The following SPAG16 variants were observed in gnomAD, a reference collection of about 807,000 sequenced individuals.
SPAG16 encodes sperm-associated antigen 16 protein.
Under a neutral mutation model 80.4 loss-of-function variants are expected in SPAG16, and 86 were observed. The ratio of observed to expected loss-of-function variants is 1.07; its 90% CI spans 0.90 to 1.28. The LOEUF (loss-of-function observed/expected upper bound fraction) is 1.28, where lower values mean the gene tolerates loss of function less well. SPAG16 is among the 50% of genes most tolerant of loss of function. The pLI is 0.00. For synonymous variants in SPAG16, 294 were observed against 265.9 expected, an observed-to-expected ratio of 1.11 and a Z score of -1.03; for missense variants, 870 against 765.3, an observed-to-expected ratio of 1.14 and a Z score of -1.61.
At chr2:213,903,931 A>G (rs1034075598) in intron 11 of SPAG16, among the ~76,000 whole-genome samples, 1 of 152,196 alleles carries the variant, frequency 6.6e-6, no homozygotes, top group African/African-American at 2.4e-5. Context: ...TTGCTAAAAC[A>G]TAATAGCCTC....
intron 15 of SPAG16, among the ~76,000 whole-genome samples, chr2:214,380,191 A>G (rs761682910): frequency 2.0e-5 from 3 of 152,218 alleles, no homozygotes; most frequent in Admixed American, 6.5e-5. Context: ...GACCAAACCT[A>G]TAGTAATGGC....
chr2:214,111,644 G>GT (rs2053669741), intron 14 of SPAG16, among the ~76,000 whole-genome samples: 1 of 152,052 alleles, frequency 6.6e-6, no homozygotes, highest in African/African-American at 2.4e-5. Context: ...CTTTAAAGTA[G>GT]TTTTTTTCCA....
intron 10 of SPAG16, among the ~76,000 whole-genome samples, chr2:213,757,818 G>T (rs538523074): frequency 6.6e-6 from 1 of 152,142 alleles, no homozygotes; most frequent in Admixed American, 6.5e-5. Context: ...GGCAATCTTT[G>T]CTCTGATTGC....
chr2:214,265,154 T>TGTTAA (rs1691465722), intron 15 of SPAG16, among the ~76,000 whole-genome samples: 1 of 152,114 alleles, frequency 6.6e-6, no homozygotes, highest in Admixed American at 6.6e-5. Context: ...GGTAACAGTA[T>TGTTAA]GTTAAGTTTT....
At chr2:213,669,299 A>G (rs2063729784) in intron 10 of SPAG16, among the ~76,000 whole-genome samples, 1 of 152,162 alleles carries the variant, frequency 6.6e-6, no homozygotes, top group African/African-American at 2.4e-5. Context: ...TGGCTATTAG[A>G]GTTTGAGCCT....
intron 10 of SPAG16, among the ~76,000 whole-genome samples, chr2:213,513,141 CTTGTT>C (rs1296480586): frequency 1.3e-5 from 2 of 152,108 alleles, no homozygotes; most frequent in Non-Finnish European, 2.9e-5. Flanking sequence ...TTGTCTGTTT[CTTGTT>C]TTATCACCTA....
At chr2:213,408,327 C>T (rs958714414) in intron 9 of SPAG16, among the ~76,000 whole-genome samples, 5 of 152,268 alleles carry the variant, frequency 3.3e-5, no homozygotes, top group East Asian at 3.9e-4. Flanking sequence ...TAGTAATCTG[C>T]GGATGGCCAA....
intron 15 of SPAG16, among the ~76,000 whole-genome samples, chr2:214,192,292 T>C (rs2057690707): frequency 6.6e-6 from 1 of 152,146 alleles, no homozygotes; most frequent in Admixed American, 6.6e-5. Flanking sequence ...TGCTCATCTT[T>C]CCTTAATGTT....
At chr2:213,516,487 C>T (rs955429033) in intron 10 of SPAG16, among the ~76,000 whole-genome samples, 4 of 152,136 alleles carry the variant, frequency 2.6e-5, no homozygotes, top group Non-Finnish European at 4.4e-5. Flanking sequence ...AGGTCTGACT[C>T]CAGAGAAAGG....
In SPAG16 at chr2:213,297,360, G is replaced by T; in HGVS notation, c.279+3G>T. 1.3e-6 allele frequency: 2 copies of T among 1,593,866 alleles called. No individual in the cohort carries two copies. The highest frequency in any genetic ancestry group is 1.3e-5 in the African/African-American group (1 of 74,328). On this transcript the variant is annotated splice_donor_region_variant and intron_variant, in intron 3 of 15. Transcript: ENST00000331683. The stretch of plus-strand genomic sequence containing the variant: ...AGGCTACAGATACTGAAATTTTGGT[G>T]AGAATTTGAACACTAGTGTAGTCTA...
At chr2:214,259,464 C>T (rs563423410) in intron 15 of SPAG16, among the ~76,000 whole-genome samples, 1 of 137,824 alleles carries the variant, frequency 7.3e-6, no homozygotes, top group Non-Finnish European at 1.5e-5. Flanking sequence ...CGTACACACA[C>T]ACGTATAGCT....
chr2:214,255,549 A>G (rs1265934959), intron 15 of SPAG16, among the ~76,000 whole-genome samples: 1 of 151,946 alleles, frequency 6.6e-6, no homozygotes, highest in African/African-American at 2.4e-5. Flanking sequence ...ACTTCCACAC[A>G]TATTATTGAT....
intron 10 of SPAG16, among the ~76,000 whole-genome samples, chr2:213,517,472 A>T (rs192318715): frequency 1.3e-5 from 2 of 152,218 alleles, no homozygotes; most frequent in African/African-American, 2.4e-5. Flanking sequence ...TAAAATTCAT[A>T]TGGAACCAAA....
chr2:213,501,825 A>G (rs1043877013), intron 10 of SPAG16, among the ~76,000 whole-genome samples: 5 of 152,328 alleles, frequency 3.3e-5, no homozygotes, highest in South Asian at 2.1e-4. Context: ...TTGTTCTAGA[A>G]AAGTAATTTT....
intron 15 of SPAG16, among the ~76,000 whole-genome samples, chr2:214,343,317 G>A (rs1177531323): frequency 6.6e-6 from 1 of 152,052 alleles, no homozygotes; most frequent in East Asian, 1.9e-4. Context: ...GTAGAAACTG[G>A]AGAATCAGAT....
At chr2:213,539,319 G>A (rs781026485) in intron 10 of SPAG16, among the ~76,000 whole-genome samples, 5 of 152,064 alleles carry the variant, frequency 3.3e-5, no homozygotes, top group Non-Finnish European at 5.9e-5. Flanking sequence ...TAAATCACCA[G>A]TATCTGTTTT....
chr2:213,967,780 C>A (rs1029699582), intron 12 of SPAG16, among the ~76,000 whole-genome samples: 1 of 152,000 alleles, frequency 6.6e-6, no homozygotes, highest in African/African-American at 2.4e-5. Flanking sequence ...AGTTTATGGG[C>A]TTTAATGCAC....
chr2:213,434,766 TAAGTCAGAATATGG>T (rs2070525467), intron 9 of SPAG16, among the ~76,000 whole-genome samples: 1 of 152,212 alleles, frequency 6.6e-6, no homozygotes, highest in Non-Finnish European at 1.5e-5. Context: ...TCATCTGACG[TAAGTCAGAATATGG>T]CCAGTTATAA....
At chr2:213,322,157 G>C (rs2063643032) in intron 5 of SPAG16, among the ~76,000 whole-genome samples, 1 of 150,928 alleles carries the variant, frequency 6.6e-6, no homozygotes, top group Admixed American at 6.6e-5. Context: ...TCACAGTTTA[G>C]ACACTATATT....
Sources: gnomAD v4.1 joint callset for allele counts (sites outside exome capture counted in the v4.1 genomes callset) on GRCh38, gnomAD v4.1.1 for gene constraint, MANE v1.5 for transcripts, NCBI Gene and HGNC (gene_info 2026-07-23, HGNC 2026-07-21) for gene names.